BMPR1B: variants seen among roughly 807,000 people sequenced by gnomAD.
The protein encoded by BMPR1B is bone morphogenetic protein receptor type-1B.
A neutral mutation model predicts 59.1 loss-of-function variants in BMPR1B; 12 were observed. The ratio of observed to expected loss-of-function variants is 0.20; its 90% confidence interval spans 0.13 to 0.33. The LOEUF (loss-of-function observed/expected upper bound fraction) is 0.33. BMPR1B is among the 10% of genes least tolerant of loss of function. The pLI, the probability that BMPR1B is intolerant of heterozygous loss-of-function variation, is 1.00. For synonymous variants in BMPR1B, 237 were observed against 207.3 expected (o/e 1.14, Z -1.23); for missense variants, 550 against 610.9 (o/e 0.90, Z 1.05).
intron 1 of BMPR1B, among the ~76,000 whole-genome samples, chr4:94,765,590 A>T (rs973977829): frequency 1.3e-5 from 2 of 152,220 alleles, no homozygotes; most frequent in Non-Finnish European, 2.9e-5. Flanking sequence ...AAATGACAAC[A>T]GAGAGGGGAC....
chr4:94,788,375 C>T (rs1011189120), intron 1 of BMPR1B, among the ~76,000 whole-genome samples: 7 of 152,038 alleles, frequency 4.6e-5, no homozygotes, highest in African/African-American at 1.4e-4. Flanking sequence ...CAGGGGATTC[C>T]CTGGGCTGTC....
chr4:94,815,880 T>A (rs1326567570), intron 1 of BMPR1B, among the ~76,000 whole-genome samples: 1 of 152,232 alleles, frequency 6.6e-6, no homozygotes, highest in Non-Finnish European at 1.5e-5. Context: ...TGTGATCTGT[T>A]GTATCAGTTT....
At chr4:95,099,748 G>C (rs1560652579) in intron 3 of BMPR1B, among the ~76,000 whole-genome samples, 1 of 151,922 alleles carries the variant, frequency 6.6e-6, no homozygotes, top group Non-Finnish European at 1.5e-5. Context: ...CGTTGTTTTG[G>C]CATTTTCATC....
intron 2 of BMPR1B, among the ~76,000 whole-genome samples, chr4:94,942,134 T>C (rs1348833317): frequency 1.3e-5 from 2 of 152,252 alleles, no homozygotes; most frequent in East Asian, 1.9e-4. Context: ...AAGTGGGATT[T>C]TCCTTTAACC....
intron 2 of BMPR1B, among the ~76,000 whole-genome samples, chr4:94,890,080 G>A (rs1331694405): frequency 2.6e-5 from 4 of 152,026 alleles, no homozygotes; most frequent in Admixed American, 2.0e-4. Context: ...TTCTGTCTTC[G>A]TGAATAGAGC....
At position 95,156,533 on chromosome 4, in the gene BMPR1B, C is replaced by T. The variant is rs1420361729; in HGVS notation, c.*1860C>T. 4.6e-5 allele frequency: 7 copies of T among 151,868 alleles called. No individual in the cohort carries two copies. The highest frequency in any genetic ancestry group is 1.0e-4 in the Non-Finnish European group (7 of 67,988). The allele number at this position is 151,868 out of a possible 1,614,324, so 9.4% of individuals were successfully genotyped here. A position where few individuals can be genotyped will look rare whatever the true frequency, so the allele number is the denominator to read the frequency against. ...TTCTAAAGCAATGAGACTTTGTGAGCTGTGCTTACAGTTTGGGAGAATCAT... is the reference window on the plus strand; with the variant it reads ...TTCTAAAGCAATGAGACTTTGTGAGTTGTGCTTACAGTTTGGGAGAATCAT... On this transcript the variant is annotated 3_prime_UTR_variant, in exon 13 of 13. Coordinates refer to ENST00000515059, the MANE Select transcript of BMPR1B (RefSeq NM_001203.3).
At chr4:95,149,067 T>A (rs1734849049) in intron 11 of BMPR1B, 144 bp downstream of exon 11, 1 of 1,067,988 alleles carries the variant, frequency 9.4e-7, no homozygotes, top group Non-Finnish European at 1.4e-6. Context: ...TCATAGTGCT[T>A]CCAGGAAATT....
intron 1 of BMPR1B, among the ~76,000 whole-genome samples, chr4:94,789,266 G>T (rs907069539): frequency 3.9e-5 from 6 of 152,170 alleles, no homozygotes; most frequent in East Asian, 1.9e-4. Flanking sequence ...TTTACAATTT[G>T]CTTTAAACGC....
chr4:95,158,266 G>A lies in BMPR1B; in HGVS notation c.*3593G>A, dbSNP rs1735551193. 6.6e-6 allele frequency: 1 copy of A among 152,144 alleles called. No individual in the cohort carries two copies. The highest frequency in any genetic ancestry group is 1.5e-5 in the Non-Finnish European group (1 of 68,020). 9.4% of individuals were successfully genotyped at this position (152,144 alleles called of 1,614,324 possible). On this transcript the variant is annotated 3_prime_UTR_variant, in exon 13 of 13. Coordinates refer to ENST00000515059, the MANE Select transcript of BMPR1B (RefSeq NM_001203.3). ...AAGTTGGCAATATAGGGGTTTCGTT[G>A]TCTGTTTCACAAGAAGACTCATTTG...
intron 2 of BMPR1B, among the ~76,000 whole-genome samples, chr4:94,940,771 C>A (rs924807648): frequency 2.0e-5 from 3 of 152,274 alleles, no homozygotes; most frequent in Admixed American, 1.3e-4. Flanking sequence ...CTGTTGGTCT[C>A]CAGAATAGAG....
chr4:94,854,113 ACT>A (rs1464603633), intron 1 of BMPR1B, among the ~76,000 whole-genome samples: 9 of 121,530 alleles, frequency 7.4e-5, no homozygotes, highest in Admixed American at 2.3e-4. Flanking sequence ...TTTGAGGACT[ACT>A]GTGAAGCTCT....
At chr4:95,046,139 A>C (rs1726043298) in intron 3 of BMPR1B, among the ~76,000 whole-genome samples, 1 of 152,146 alleles carries the variant, frequency 6.6e-6, no homozygotes, top group South Asian at 2.1e-4. Context: ...CCCTGGGCTC[A>C]ATCAAGCAGC....
chr4:95,084,070 A>T (rs1311343860), intron 3 of BMPR1B, among the ~76,000 whole-genome samples: 1 of 152,034 alleles, frequency 6.6e-6, no homozygotes. Context: ...TAAAGTCACT[A>T]ACGTAAACTC....
chr4:94,880,138 A>G (rs1464644558), intron 2 of BMPR1B, among the ~76,000 whole-genome samples: 1 of 152,160 alleles, frequency 6.6e-6, no homozygotes, highest in Non-Finnish European at 1.5e-5. Context: ...CTCATTTACT[A>G]AAAAATAGAA....
chr4:94,829,095 G>C (rs1437121481), intron 1 of BMPR1B, among the ~76,000 whole-genome samples: 1 of 151,914 alleles, frequency 6.6e-6, no homozygotes. Flanking sequence ...AGTAGAGCTG[G>C]ATTAACTGTA....
intron 1 of BMPR1B, among the ~76,000 whole-genome samples, chr4:94,790,283 G>A (rs1722927811): frequency 6.6e-6 from 1 of 152,106 alleles, no homozygotes; most frequent in African/African-American, 2.4e-5. Flanking sequence ...TTTGACTGAA[G>A]GAAAGGTATA....
At chr4:94,853,171 C>G (rs1192594592) in intron 1 of BMPR1B, among the ~76,000 whole-genome samples, 1 of 152,068 alleles carries the variant, frequency 6.6e-6, no homozygotes, top group African/African-American at 2.4e-5. Flanking sequence ...ATGTTTATTA[C>G]TTAAAAAAGC....
chr4:94,943,058 G>A (rs1017771956), intron 2 of BMPR1B, among the ~76,000 whole-genome samples: 14 of 151,972 alleles, frequency 9.2e-5, no homozygotes, highest in African/African-American at 3.4e-4. Context: ...TCTTAATTCT[G>A]AGAATATCCC....
At chr4:94,983,242 G>A (rs575011741) in intron 2 of BMPR1B, among the ~76,000 whole-genome samples, 1 of 151,798 alleles carries the variant, frequency 6.6e-6, no homozygotes, top group African/African-American at 2.4e-5. Context: ...TTTTATTATT[G>A]CTTTTTTTCC....
Sources: allele counts gnomAD v4.1 joint callset (sites outside exome capture counted in the v4.1 genomes callset), GRCh38; gene constraint gnomAD v4.1.1; transcripts MANE v1.5; gene names NCBI Gene and HGNC (gene_info 2026-07-23, HGNC 2026-07-21).